The following ADPGK variants were observed in gnomAD, a reference collection of about 807,000 sequenced individuals.
ADPGK encodes ADP dependent glucokinase.
ADPGK carries 26 observed loss-of-function variants against 42.4 expected under a neutral mutation model. The observed-to-expected ratio is 0.61, with a 90% CI of 0.45 to 0.85. ADPGK has a LOEUF of 0.85. Ranked by LOEUF, ADPGK falls within the 40% of genes least tolerant of loss-of-function variation. The pLI, the probability that ADPGK is intolerant of heterozygous loss-of-function variation, is 0.00. For missense variants in ADPGK, 571 were observed against 627.0 expected (o/e 0.91, Z 0.95); for synonymous variants, 267 against 252.6 (o/e 1.06, Z -0.54).
chr15:72,775,764 T>G (rs2066384703), intron 1 of ADPGK, among the ~76,000 whole-genome samples: 2 of 152,104 alleles, frequency 1.3e-5, no homozygotes, highest in Admixed American at 1.3e-4. Flanking sequence ...TTTTAAGAAC[T>G]CACCCTTTGG....
At chr15:72,763,477 T>C (rs1216934178) in intron 3 of ADPGK, among the ~76,000 whole-genome samples, 3 of 152,060 alleles carry the variant, frequency 2.0e-5, no homozygotes, top group African/African-American at 7.3e-5. Flanking sequence ...TGAGCCACCA[T>C]ACCCAGCCAA....
At position 72,758,141 on chromosome 15, in the gene ADPGK, G is replaced by A. The variant is rs928612014; in HGVS notation, c.644-1694C>T. ...CAATCCAGAAAGGACCACCAGGTCT[G>A]GCTGAAACTCCTCCAGGCTAGACAC... On this transcript the variant is annotated intron_variant, in intron 4 of 6. Transcript: ENST00000456471. 61 of 1,613,362 alleles carry A rather than the reference G, an allele frequency of 3.8e-5. No individual in the cohort carries two copies. The Admixed American group carries it at 8.8e-4, about 23-fold the overall frequency.
chr15:72,764,615 C>T (rs186592212), intron 3 of ADPGK, among the ~76,000 whole-genome samples: 2 of 152,328 alleles, frequency 1.3e-5, no homozygotes, highest in East Asian at 3.9e-4. Flanking sequence ...AAAGATCTAG[C>T]TAAGATCACT....
At chr15:72,783,268 G>C in intron 1 of ADPGK, 191 bp downstream of exon 1, 1 of 1,250,390 alleles carries the variant, frequency 8.0e-7, no homozygotes, top group Non-Finnish European at 1.0e-6. Context: ...AAGGCGCAGA[G>C]GCCAGCCGAG....
At chr15:72,759,396 T>C (rs1464696122) in intron 4 of ADPGK, among the ~76,000 whole-genome samples, 3 of 152,240 alleles carry the variant, frequency 2.0e-5, no homozygotes, top group African/African-American at 7.2e-5. Context: ...TAAGTATGAA[T>C]TGCCTACGTC....
chr15:72,758,341 C>G (rs892899179), intron 4 of ADPGK: 4 of 632,660 alleles, frequency 6.3e-6, no homozygotes, highest in African/African-American at 1.8e-5. Context: ...GCCAGTAAGT[C>G]AGCAAAACCT....
At chr15:72,766,029 C>T (rs2066253864) in intron 3 of ADPGK, among the ~76,000 whole-genome samples, 1 of 152,158 alleles carries the variant, frequency 6.6e-6, no homozygotes, top group Admixed American at 6.5e-5. Flanking sequence ...ATCACCCAAG[C>T]TAGAGTGCAG....
At chr15:72,758,295 T>C in intron 4 of ADPGK, 1 of 715,258 alleles carries the variant, frequency 1.4e-6, no homozygotes, top group South Asian at 1.5e-5. Context: ...TTCATTCCTG[T>C]AAGCAATCTC....
intron 4 of ADPGK, chr15:72,757,968 G>C: frequency 8.7e-7 from 1 of 1,155,362 alleles, no homozygotes; most frequent in South Asian, 1.5e-5. Context: ...GCTGCTTGCT[G>C]TTTCCACAGG....
At chr15:72,768,486 G>GTGAAAT (rs1181617143) in intron 3 of ADPGK, among the ~76,000 whole-genome samples, 3 of 152,222 alleles carry the variant, frequency 2.0e-5, no homozygotes, top group Middle Eastern at 6.8e-3. Context: ...GGCCAACACA[G>GTGAAAT]TGAAACTCCC....
At chr15:72,760,300 G>T (rs549521700) in intron 4 of ADPGK, 107 bp downstream of exon 4, 10 of 1,373,878 alleles carry the variant, frequency 7.3e-6, no homozygotes, top group African/African-American at 4.4e-5. Context: ...GGCAAAAACA[G>T]GATCCTGCTA....
intron 1 of ADPGK, among the ~76,000 whole-genome samples, chr15:72,782,292 T>C (rs2066468952): frequency 6.6e-6 from 1 of 152,048 alleles, no homozygotes; most frequent in Admixed American, 6.6e-5. Flanking sequence ...GATGGGAGGC[T>C]GGCTTGAGCT....
intron 2 of ADPGK, among the ~76,000 whole-genome samples, chr15:72,772,731 CAT>C (rs1156399738): frequency 6.6e-6 from 1 of 152,116 alleles, no homozygotes; most frequent in Non-Finnish European, 1.5e-5. Context: ...TGTTGGGAAA[CAT>C]AAAAGTTTTC....
intron 6 of ADPGK, among the ~76,000 whole-genome samples, 167 bp downstream of exon 6, chr15:72,755,389 C>T (rs1205660322): frequency 6.6e-6 from 1 of 152,224 alleles, no homozygotes; most frequent in Non-Finnish European, 1.5e-5. Context: ...TGTTTCAGAA[C>T]AGTCCTGGAT....
intron 1 of ADPGK, among the ~76,000 whole-genome samples, chr15:72,779,702 C>G (rs1057498839): frequency 6.6e-6 from 1 of 152,126 alleles, no homozygotes; most frequent in African/African-American, 2.4e-5. Flanking sequence ...TAGTGCCTCC[C>G]AGAATTCCAC....
At chr15:72,761,777 C>A (rs2066196685) in intron 3 of ADPGK, among the ~76,000 whole-genome samples, 1 of 151,820 alleles carries the variant, frequency 6.6e-6, no homozygotes, top group Admixed American at 6.6e-5. Context: ...TAGCTCACCA[C>A]AGCCTTGACC....
At chr15:72,779,525 G>A (rs999373059) in intron 1 of ADPGK, among the ~76,000 whole-genome samples, 5 of 152,022 alleles carry the variant, frequency 3.3e-5, no homozygotes, top group Admixed American at 2.0e-4. Context: ...GATTACAGGC[G>A]TGAGCCACCA....
intron 2 of ADPGK, among the ~76,000 whole-genome samples, chr15:72,773,132 G>A (rs1450729752): frequency 6.6e-6 from 1 of 151,900 alleles, no homozygotes; most frequent in Non-Finnish European, 1.5e-5. Context: ...AAAAGGGTGG[G>A]GGGGAGGTTA....
intron 3 of ADPGK, among the ~76,000 whole-genome samples, chr15:72,763,660 G>T (rs565436140): frequency 1.3e-5 from 2 of 152,254 alleles, no homozygotes; most frequent in Non-Finnish European, 2.9e-5. Context: ...CATAATAATA[G>T]TATAAAGATT....
Sources: allele counts gnomAD v4.1 joint callset (sites outside exome capture counted in the v4.1 genomes callset), GRCh38; gene constraint gnomAD v4.1.1; transcripts MANE v1.5; gene names NCBI Gene and HGNC (gene_info 2026-07-23, HGNC 2026-07-21).